Variants in GSE1 observed in about 807,000 individuals in gnomAD.
GSE1 encodes genetic suppressor element 1.
Under a neutral mutation model 112.6 loss-of-function variants are expected in GSE1, and 32 were observed. That is an observed-to-expected ratio of 0.28 (90% CI 0.21 to 0.38). The LOEUF (loss-of-function observed/expected upper bound fraction) is 0.38, where lower values mean the gene tolerates loss of function less well. GSE1 is among the 10% of genes least tolerant of loss of function. GSE1 has a pLI of 1.00. For missense variants in GSE1, 2,348 were observed against 1,699.2 expected (o/e 1.38, Z -6.71); for synonymous variants, 1,115 against 735.6 (o/e 1.52, Z -8.35).
At chr16:85,227,653 C>T (rs568504758) in intron 1 of GSE1, among the ~76,000 whole-genome samples, 40 of 152,216 alleles carry the variant, frequency 2.6e-4, no homozygotes, top group South Asian at 1.9e-3. Context: ...TTGAGGGAAA[C>T]ATTGAGGGTT....
intron 2 of GSE1, among the ~76,000 whole-genome samples, chr16:85,467,946 A>C (rs2050171791): frequency 6.6e-6 from 1 of 152,142 alleles, no homozygotes; most frequent in Non-Finnish European, 1.5e-5. Flanking sequence ...CGAAAGCTAC[A>C]CAGAGGGACA....
chr16:85,350,778 A>C (rs888044442), intron 1 of GSE1, among the ~76,000 whole-genome samples: 2 of 152,056 alleles, frequency 1.3e-5, no homozygotes, highest in African/African-American at 4.8e-5. Flanking sequence ...CTGTGTTGTC[A>C]CTATCATTTT....
chr16:85,555,461 C>T, upstream of GSE1: 5 of 983,800 alleles, frequency 5.1e-6, no homozygotes, highest in Non-Finnish European at 6.0e-6. Context: ...TTTCTCCTGC[C>T]GGAGACTTGT....
upstream of GSE1, among the ~76,000 whole-genome samples, chr16:85,553,293 G>GGCCGCC (rs532488359): frequency 3.7e-4 from 56 of 149,810 alleles, 1 homozygote; most frequent in African/African-American, 6.6e-4. Flanking sequence ...CCGCTTGCCA[G>GGCCGCC]GCCGCCGCCG....
chr16:85,590,210 G>A (rs2046929496), intron 1 of GSE1, among the ~76,000 whole-genome samples: 1 of 152,150 alleles, frequency 6.6e-6, no homozygotes, highest in African/African-American at 2.4e-5. Context: ...GTGATTGTGT[G>A]AACATGTGTG....
upstream of GSE1, among the ~76,000 whole-genome samples, chr16:85,552,610 G>A (rs1020186855): frequency 7.9e-5 from 12 of 152,208 alleles, no homozygotes; most frequent in African/African-American, 2.7e-4. Context: ...GGGATTACAG[G>A]CGTGAGCCAC....
Position 85,666,136 on chromosome 16 carries a change from G to C in GSE1, c.2919G>C (p.Lys973Asn). 6.2e-7 allele frequency: 1 copy of C among 1,613,348 alleles called. No individual in the cohort carries two copies. The highest frequency in any genetic ancestry group is 1.7e-5 in the Admixed American group (1 of 60,014). ...VQELAPASGE[K>N]ARLSEAPGGK... ...AGCTAGCTCCTGCCAGCGGGGAGAA[G>C]GCCAGGCTGAGCGAGGCCCCTGGAG... Residue 973 changes from lysine (K) to asparagine (N), a missense_variant, in exon 13 of 16, where the codon AAG becomes AAC. Physicochemically the swap from Lys to Asn is moderately conservative, Grantham distance 94. Coordinates refer to ENST00000253458, the MANE Select transcript of GSE1 (RefSeq NM_014615.5).
chr16:85,425,033 A>AGGCTG (rs2048937236), intron 2 of GSE1, among the ~76,000 whole-genome samples: 2 of 152,244 alleles, frequency 1.3e-5, no homozygotes, highest in African/African-American at 4.8e-5. Flanking sequence ...AGCTCCGAGC[A>AGGCTG]GGCTGGGCTG....
At chr16:85,321,916 G>C (rs1403155014) in intron 1 of GSE1, among the ~76,000 whole-genome samples, 1 of 152,204 alleles carries the variant, frequency 6.6e-6, no homozygotes, top group African/African-American at 2.4e-5. Context: ...AGCAGATGCA[G>C]CCTAAGGTCC....
At chr16:85,317,729 C>G (rs139477841) in intron 1 of GSE1, among the ~76,000 whole-genome samples, 1 of 152,200 alleles carries the variant, frequency 6.6e-6, no homozygotes, top group South Asian at 2.1e-4. Flanking sequence ...TTCATGCACC[C>G]TGCGCTGGCT....
intron 1 of GSE1, among the ~76,000 whole-genome samples, chr16:85,273,791 G>A (rs1384196018): frequency 6.6e-6 from 1 of 151,922 alleles, no homozygotes; most frequent in Non-Finnish European, 1.5e-5. Flanking sequence ...CTGGGTTCAA[G>A]TGATTCTCCT....
At chr16:85,182,108 A>C (rs371689760) in intron 1 of GSE1, among the ~76,000 whole-genome samples, 1 of 152,174 alleles carries the variant, frequency 6.6e-6, no homozygotes. Flanking sequence ...CACACCAAGC[A>C]TGGGGGACGC....
intron 15 of GSE1, among the ~76,000 whole-genome samples, chr16:85,671,467 T>C (rs921015842): frequency 8.6e-6 from 1 of 116,888 alleles, no homozygotes; most frequent in Non-Finnish European, 1.9e-5. Flanking sequence ...AGATCAAAAT[T>C]TGGACTGCAT....
At chr16:85,671,150 G>T in intron 15 of GSE1, 52 bp downstream of exon 15, 1 of 1,033,178 alleles carries the variant, frequency 9.7e-7, no homozygotes, top group Non-Finnish European at 1.5e-6. Context: ...TTGAGTTTGG[G>T]TTCAGAAACA....
At chr16:85,663,294 C>T (rs1018680326) in intron 10 of GSE1, 50 bp from the exon 11 acceptor site, 1 of 1,596,144 alleles carries the variant, frequency 6.3e-7, no homozygotes, top group Non-Finnish European at 8.6e-7. Context: ...ACAGTGCAAG[C>T]ATACCACTGC....
intron 1 of GSE1, among the ~76,000 whole-genome samples, chr16:85,619,203 C>G (rs958027808): frequency 6.6e-6 from 1 of 152,220 alleles, no homozygotes; most frequent in Admixed American, 6.5e-5. Context: ...TGGTGATTGG[C>G]ACTCTGGGCC....
chr16:85,359,673 G>A (rs1452697210), intron 2 of GSE1, among the ~76,000 whole-genome samples: 1 of 152,208 alleles, frequency 6.6e-6, no homozygotes, highest in East Asian at 1.9e-4. Context: ...CAGTGAAACA[G>A]TGTCCTGCAG....
rs572872781 is a variant in GSE1, at chr16:85,337,161, A to G, written c.2284-20302A>G. ...CTCACCCGCCACTGTGTCCCCCATC[A>G]CACCAGGCCACGCCTGTGGGCACCC... On this transcript the variant is annotated intron_variant, in intron 1 of 2. Transcript: ENST00000637419. Among the ~76,000 whole-genome samples the G allele has an allele frequency of 3.9e-5, 6 of 152,182 alleles. No homozygotes were observed. In the South Asian group the frequency reaches 8.3e-4, roughly 21 times the overall value.
intron 1 of GSE1, among the ~76,000 whole-genome samples, chr16:85,313,231 G>T (rs773267879): frequency 6.6e-6 from 1 of 152,160 alleles, no homozygotes; most frequent in African/African-American, 2.4e-5. Context: ...CACCTGCGTG[G>T]GGTCAGGGCT....
Sources: gnomAD v4.1 joint callset for allele counts (sites outside exome capture counted in the v4.1 genomes callset) on GRCh38, gnomAD v4.1.1 for gene constraint, MANE v1.5 for transcripts, NCBI Gene and HGNC (gene_info 2026-07-23, HGNC 2026-07-21) for gene names.